Variants in MAGI2 observed in about 807,000 individuals in gnomAD.
MAGI2 encodes membrane associated guanylate kinase, WW and PDZ domain containing 2.
Under a neutral mutation model 133.3 loss-of-function variants are expected in MAGI2, and 35 were observed. The ratio of observed to expected loss-of-function variants is 0.26; its 90% CI spans 0.20 to 0.35. MAGI2 has a LOEUF of 0.35. Ranked by LOEUF, MAGI2 falls within the 10% of genes least tolerant of loss-of-function variation. The pLI, the probability that MAGI2 is intolerant of heterozygous loss-of-function variation, is 1.00. For missense variants in MAGI2, 1,636 were observed against 1,863.4 expected (o/e 0.88, Z 2.25); for synonymous variants, 729 against 710.6 (o/e 1.03, Z -0.41).
chr7:78,614,915 G>T (rs561331296), intron 3 of MAGI2: 1 of 152,016 alleles, frequency 6.6e-6, no homozygotes, highest in East Asian at 1.9e-4. Flanking sequence ...TGCACATAAC[G>T]TTTTCTGGAT....
intron 6 of MAGI2, among the ~76,000 whole-genome samples, chr7:78,388,051 A>C (rs1795560796): frequency 6.6e-6 from 1 of 152,236 alleles, no homozygotes. Flanking sequence ...TGAAGTAAAA[A>C]TCAAATTAGG....
rs182096633 is a variant in MAGI2 at position 78,808,174 on chromosome 7, C to T, written c.419-180935G>A. ...TGTTTAAAGGTTTCTGGGAATAGTT[C>T]AGTAGGTAGTAAGCTGGAGCCCTGG... On this transcript the variant is annotated intron_variant, in intron 2 of 21. Coordinates refer to ENST00000354212, the MANE Select transcript of MAGI2 (RefSeq NM_012301.4). 2.0e-3 allele frequency among the ~76,000 whole-genome samples: 299 copies of T among 152,252 alleles called. 1 individual carries two copies. Among genetic ancestry groups the T allele is most frequent in the African/African-American group, 7.1e-3 (293 of 41,538 alleles).
intron 10 of MAGI2, among the ~76,000 whole-genome samples, chr7:78,208,135 C>CTTTTTTTTTTTTT (rs71085515): frequency 8.7e-6 from 1 of 115,602 alleles, no homozygotes; most frequent in Non-Finnish European, 1.7e-5. Flanking sequence ...CCCAAAGTGG[C>CTTTTTTTTTTTTT]TTTTTTTTTT....
chr7:78,940,091 A>G (rs1800851915), intron 2 of MAGI2, among the ~76,000 whole-genome samples: 2 of 152,186 alleles, frequency 1.3e-5, no homozygotes, highest in Non-Finnish European at 2.9e-5. Context: ...ACATTTGTAC[A>G]TATTTCTGTC....
intron 2 of MAGI2, among the ~76,000 whole-genome samples, chr7:78,763,136 A>G (rs1824681440): frequency 6.6e-6 from 1 of 152,180 alleles, no homozygotes; most frequent in African/African-American, 2.4e-5. Flanking sequence ...CTACTAATAG[A>G]TATAGTAATA....
intron 1 of MAGI2, among the ~76,000 whole-genome samples, chr7:79,229,333 C>G (rs1831152490): frequency 6.6e-6 from 1 of 152,028 alleles, no homozygotes; most frequent in African/African-American, 2.4e-5. Context: ...CTACAAAGAA[C>G]AGAAGTGAAG....
chr7:79,430,238 T>C (rs1049072445), intron 1 of MAGI2, among the ~76,000 whole-genome samples: 8 of 152,140 alleles, frequency 5.3e-5, no homozygotes, highest in Admixed American at 5.2e-4. Context: ...CTTTACTTTA[T>C]TGTGATAAAA....
chr7:79,242,122 A>G (rs1832461481), intron 1 of MAGI2, among the ~76,000 whole-genome samples: 2 of 152,194 alleles, frequency 1.3e-5, no homozygotes, highest in African/African-American at 2.4e-5. Flanking sequence ...TCTATTGTAC[A>G]TTATGGTGAT....
intron 20 of MAGI2, among the ~76,000 whole-genome samples, chr7:78,079,795 T>C (rs1815754864): frequency 6.6e-6 from 1 of 152,226 alleles, no homozygotes; most frequent in Non-Finnish European, 1.5e-5. Flanking sequence ...TTTTCAGAAA[T>C]GCCTGGGTTC....
intron 21 of MAGI2, among the ~76,000 whole-genome samples, chr7:78,048,933 C>G (rs1273832075): frequency 7.5e-6 from 1 of 133,634 alleles, no homozygotes; most frequent in East Asian, 2.2e-4. Flanking sequence ...ATGGTGAAAC[C>G]CGTCTCTACT....
intron 16 of MAGI2, among the ~76,000 whole-genome samples, chr7:78,151,138 C>T (rs1022377766): frequency 1.3e-5 from 2 of 149,390 alleles, no homozygotes; most frequent in East Asian, 2.0e-4. Context: ...AGGAACCAGG[C>T]GGCCAGGTTG....
At chr7:79,100,774 T>C (rs1388041789) in intron 1 of MAGI2, among the ~76,000 whole-genome samples, 1 of 151,954 alleles carries the variant, frequency 6.6e-6, no homozygotes, top group African/African-American at 2.4e-5. Flanking sequence ...TTTATAGTCA[T>C]AGGTATTTTT....
intron 1 of MAGI2, among the ~76,000 whole-genome samples, chr7:79,126,104 C>A (rs1050414749): frequency 1.3e-5 from 2 of 152,158 alleles, no homozygotes; most frequent in African/African-American, 4.8e-5. Context: ...TTTTTGCACC[C>A]ATGCAGTTGA....
chr7:78,072,479 T>C (rs1336183761), intron 21 of MAGI2: 1 of 153,298 alleles, frequency 6.5e-6, no homozygotes, highest in East Asian at 1.9e-4. Context: ...ACATAGTAGG[T>C]GTTAAGTAAA....
At chr7:78,179,568 C>T (rs537302486) in intron 13 of MAGI2, among the ~76,000 whole-genome samples, 4 of 152,212 alleles carry the variant, frequency 2.6e-5, no homozygotes, top group South Asian at 4.1e-4. Context: ...ATGAATCAGG[C>T]GCTTAAGTAC....
At chr7:78,415,652 C>T (rs1308416687) in intron 6 of MAGI2, among the ~76,000 whole-genome samples, 3 of 152,056 alleles carry the variant, frequency 2.0e-5, no homozygotes, top group Non-Finnish European at 4.4e-5. Context: ...CATCCCCAAG[C>T]ACCACCAGGC....
At chr7:78,044,890 C>T (rs892332510) in intron 21 of MAGI2, among the ~76,000 whole-genome samples, 13 of 152,192 alleles carry the variant, frequency 8.5e-5, no homozygotes, top group African/African-American at 2.9e-4. Context: ...AGGATGTGGC[C>T]GGGTGCGGCG....
At chr7:78,500,246 C>T (rs1266656492) in intron 5 of MAGI2, among the ~76,000 whole-genome samples, 4 of 152,092 alleles carry the variant, frequency 2.6e-5, no homozygotes, top group Non-Finnish European at 5.9e-5. Flanking sequence ...CTGAATTCTG[C>T]CTATAGAGAT....
At chr7:78,095,422 G>T (rs1235423970) in intron 20 of MAGI2, among the ~76,000 whole-genome samples, 1 of 152,130 alleles carries the variant, frequency 6.6e-6, no homozygotes, top group Non-Finnish European at 1.5e-5. Flanking sequence ...ATCACCTTTT[G>T]TAGTGTCCAC....
Sources: allele counts gnomAD v4.1 joint callset (sites outside exome capture counted in the v4.1 genomes callset), GRCh38; gene constraint gnomAD v4.1.1; transcripts MANE v1.5; gene names NCBI Gene and HGNC (gene_info 2026-07-23, HGNC 2026-07-21).